Variants in EFCAB11 observed in about 807,000 individuals in gnomAD.
EFCAB11 encodes EF-hand calcium-binding domain-containing protein 11.
EFCAB11 carries 14 observed loss-of-function variants against 23.0 expected under a neutral mutation model. The observed-to-expected ratio is 0.61, with a 90% CI of 0.40 to 0.95. EFCAB11 has a LOEUF of 0.95. Among genes scored for constraint, EFCAB11 ranks in the 40% least tolerant of loss-of-function variants. EFCAB11 has a pLI of 0.00. For missense variants in EFCAB11, 198 were observed against 195.8 expected, an observed-to-expected ratio of 1.01 and a Z score of -0.07; for synonymous variants, 65 against 66.6, an observed-to-expected ratio of 0.98 and a Z score of 0.11.
At chr14:89,934,575 A>G (rs1170709679) in intron 3 of EFCAB11, among the ~76,000 whole-genome samples, 2 of 152,184 alleles carry the variant, frequency 1.3e-5, no homozygotes, top group Admixed American at 1.3e-4. Context: ...GCAACAGGGC[A>G]TATCTCCCTC....
chr14:89,844,006 GTT>G (rs1887351790), intron 5 of EFCAB11, among the ~76,000 whole-genome samples: 2 of 152,178 alleles, frequency 1.3e-5, no homozygotes, highest in Admixed American at 1.3e-4. Flanking sequence ...ACTCCATTCA[GTT>G]TTGAGAAAAT....
intron 5 of EFCAB11, among the ~76,000 whole-genome samples, chr14:89,905,372 C>T (rs1382140165): frequency 6.6e-6 from 1 of 152,154 alleles, no homozygotes; most frequent in African/African-American, 2.4e-5. Flanking sequence ...CTAACCACCA[C>T]TAAGAGAGAG....
chr14:89,795,118 C>G lies in EFCAB11; in HGVS notation c.*2125G>C, dbSNP rs960301985. 1.3e-5 allele frequency: 2 copies of G among 151,758 alleles called. No homozygotes were observed. Among genetic ancestry groups the G allele is most frequent in the African/African-American group, 4.8e-5 (2 of 41,356 alleles). The allele number at this position is 151,758 out of a possible 1,614,324, so 9.4% of individuals were successfully genotyped here. On this transcript the variant is annotated 3_prime_UTR_variant, in exon 6 of 6. Coordinates refer to ENST00000316738, the MANE Select transcript of EFCAB11 (RefSeq NM_145231.4). ...TCAGCCTCCCGAGCAGCTGGGACTA[C>G]AGGCACCTGCCACCACGCCCAGCTA...
At chr14:89,842,025 T>C (rs1428769512) in intron 5 of EFCAB11, among the ~76,000 whole-genome samples, 1 of 152,186 alleles carries the variant, frequency 6.6e-6, no homozygotes, top group Non-Finnish European at 1.5e-5. Context: ...TTCCCTCTGC[T>C]GGTGAACAGT....
intron 5 of EFCAB11, among the ~76,000 whole-genome samples, chr14:89,815,128 G>T (rs1886290039): frequency 6.6e-6 from 1 of 152,144 alleles, no homozygotes; most frequent in South Asian, 2.1e-4. Context: ...AAGACGTGAA[G>T]ATCTGTCCCT....
chr14:89,809,784 T>C (rs995365139), intron 5 of EFCAB11, among the ~76,000 whole-genome samples: 2 of 152,234 alleles, frequency 1.3e-5, no homozygotes, highest in Admixed American at 6.5e-5. Flanking sequence ...GGGAAAGGGT[T>C]CTACCTCCCT....
chr14:89,912,262 G>C (rs1223621608), intron 5 of EFCAB11, among the ~76,000 whole-genome samples: 1 of 152,088 alleles, frequency 6.6e-6, no homozygotes, highest in Non-Finnish European at 1.5e-5. Flanking sequence ...AACTTTATTG[G>C]CCTTTAAAGA....
intron 3 of EFCAB11, among the ~76,000 whole-genome samples, chr14:89,944,742 T>C (rs1890905123): frequency 6.6e-6 from 1 of 152,048 alleles, no homozygotes; most frequent in Non-Finnish European, 1.5e-5. Flanking sequence ...GGAGCAATTC[T>C]ATCAAGTTAG....
At chr14:89,840,727 T>C (rs73318835) in intron 5 of EFCAB11, among the ~76,000 whole-genome samples, 11,873 of 152,260 alleles carry the variant, frequency 0.078, 960 homozygotes, top group African/African-American at 0.2. Context: ...TAGATTTTTC[T>C]ACATAGGGAT....
chr14:89,804,296 G>A lies in EFCAB11; in HGVS notation c.411-6972C>T, dbSNP rs79729434. On this transcript the variant is annotated intron_variant, in intron 5 of 5. Coordinates refer to ENST00000316738, the MANE Select transcript of EFCAB11 (RefSeq NM_145231.4). ...GTTCTCTCTTTCCTTCATTTTGCACGGCTCCAGTCTCAGGCTGGTAATTAA... is the reference window on the plus strand; with the variant it reads ...GTTCTCTCTTTCCTTCATTTTGCACAGCTCCAGTCTCAGGCTGGTAATTAA... 6.3e-3 allele frequency among the ~76,000 whole-genome samples: 965 copies of A among 152,274 alleles called. 16 individuals are homozygous for A. Among genetic ancestry groups the A allele is most frequent in the African/African-American group, 0.023 (935 of 41,538 alleles).
chr14:89,800,023 T>C (rs146641939), intron 5 of EFCAB11, among the ~76,000 whole-genome samples: 4,977 of 151,988 alleles, frequency 0.033, 114 homozygotes, highest in Non-Finnish European at 0.048. Context: ...CAATCTCTAC[T>C]AAAAATACAA....
intron 5 of EFCAB11, among the ~76,000 whole-genome samples, chr14:89,845,161 A>G (rs988910403): frequency 1.3e-5 from 2 of 152,234 alleles, no homozygotes; most frequent in Non-Finnish European, 2.9e-5. Flanking sequence ...AATACCTAAC[A>G]TATTACAGTT....
At chr14:89,953,596 T>G (rs745897086) in intron 2 of EFCAB11, among the ~76,000 whole-genome samples, 3 of 152,238 alleles carry the variant, frequency 2.0e-5, no homozygotes, top group African/African-American at 4.8e-5. Flanking sequence ...TCATGTCCTA[T>G]GTAAATTTCT....
chr14:89,903,856 C>T (rs1401006912), intron 5 of EFCAB11, among the ~76,000 whole-genome samples: 2 of 152,110 alleles, frequency 1.3e-5, no homozygotes, highest in African/African-American at 2.4e-5. Context: ...CACAATGGAA[C>T]AAAAACTCAG....
chr14:89,807,009 C>T (rs147586780), intron 5 of EFCAB11, among the ~76,000 whole-genome samples: 7 of 152,186 alleles, frequency 4.6e-5, no homozygotes, highest in African/African-American at 9.6e-5. Context: ...CTACCATCAA[C>T]AATATGAAAT....
chr14:89,834,247 G>A (rs948554141), intron 5 of EFCAB11, among the ~76,000 whole-genome samples: 29 of 151,580 alleles, frequency 1.9e-4, no homozygotes, highest in African/African-American at 6.5e-4. Context: ...ATGGTGGCGC[G>A]TGCCTGTAAT....
At chr14:89,827,160 T>C (rs769523106) in intron 5 of EFCAB11, among the ~76,000 whole-genome samples, 4 of 152,168 alleles carry the variant, frequency 2.6e-5, no homozygotes, top group Non-Finnish European at 5.9e-5. Flanking sequence ...TTAAAACACA[T>C]GAAGCCTCTA....
chr14:89,871,615 C>A (rs1039851224), intron 5 of EFCAB11, among the ~76,000 whole-genome samples: 1 of 152,142 alleles, frequency 6.6e-6, no homozygotes, highest in African/African-American at 2.4e-5. Context: ...TAATTTGCAC[C>A]TTTTCCTCCC....
At chr14:89,822,652 T>C (rs1182878269) in intron 5 of EFCAB11, among the ~76,000 whole-genome samples, 1 of 152,076 alleles carries the variant, frequency 6.6e-6, no homozygotes, top group Non-Finnish European at 1.5e-5. Context: ...AGTGTGAGAA[T>C]CCAAACCCAT....
Sources: gnomAD v4.1 joint callset for allele counts (sites outside exome capture counted in the v4.1 genomes callset) on GRCh38, gnomAD v4.1.1 for gene constraint, MANE v1.5 for transcripts, NCBI Gene and HGNC (gene_info 2026-07-23, HGNC 2026-07-21) for gene names.